The following CLVS1 variants were observed in gnomAD, a reference collection of about 807,000 sequenced individuals.
CLVS1 encodes clavesin-1.
In CLVS1, 10 loss-of-function variants were observed where a neutral mutation model predicts 33.1. The ratio of observed to expected loss-of-function variants is 0.30; its 90% confidence interval spans 0.19 to 0.51. The LOEUF (loss-of-function observed/expected upper bound fraction) is 0.51, where lower values mean the gene tolerates loss of function less well. Among genes scored for constraint, CLVS1 ranks in the 20% least tolerant of loss-of-function variants. CLVS1 has a pLI of 0.97. For synonymous variants in CLVS1, 163 were observed against 166.1 expected, an observed-to-expected ratio of 0.98 and a Z score of 0.14; for missense variants, 343 against 433.4, an observed-to-expected ratio of 0.79 and a Z score of 1.85.
Position 61,500,316 on chromosome 8 carries a change from A to C in CLVS1, c.*774A>C, listed in dbSNP as rs1301914731. The stretch of plus-strand genomic sequence containing the variant: ...CATGTGTCTGCAGAGGAGATGTCTC[A>C]TGAAAATCACATGTCAGTGATTAAT... On this transcript the variant is annotated 3_prime_UTR_variant, in exon 6 of 6. Transcript: ENST00000325897. 1 of 152,236 alleles carries C rather than the reference A, an allele frequency of 6.6e-6. No individual in the cohort carries two copies. Among genetic ancestry groups the C allele is most frequent in the Non-Finnish European group, 1.5e-5 (1 of 68,040 alleles). 9.4% of individuals were successfully genotyped at this position (152,236 alleles called of 1,614,324 possible). A position where few individuals can be genotyped will look rare whatever the true frequency, so the allele number is the denominator to read the frequency against.
At chr8:61,194,498 A>G (rs999184418) in intron 2 of CLVS1, among the ~76,000 whole-genome samples, 1 of 152,040 alleles carries the variant, frequency 6.6e-6, no homozygotes, top group Non-Finnish European at 1.5e-5. Flanking sequence ...ATAGTGCACA[A>G]TGATAAAAGG....
chr8:61,042,181 TGAG>T, the CLVS1 span, among the ~76,000 whole-genome samples: 4 of 152,206 alleles, frequency 2.6e-5, no homozygotes, highest in Admixed American at 1.3e-4. Flanking sequence ...ATCCACAAAA[TGAG>T]GAGAACTCTC....
At chr8:61,269,958 A>G (rs1264973292) in intron 2 of CLVS1, among the ~76,000 whole-genome samples, 1 of 147,670 alleles carries the variant, frequency 6.8e-6, no homozygotes, top group Non-Finnish European at 1.5e-5. Flanking sequence ...GTCGTCTGCA[A>G]ACAGGGACAA....
intron 3 of CLVS1, among the ~76,000 whole-genome samples, chr8:61,421,438 A>C (rs1055702159): frequency 2.0e-5 from 3 of 152,236 alleles, no homozygotes; most frequent in African/African-American, 7.2e-5. Flanking sequence ...TTTCTCCAGC[A>C]ATAGAGCCAT....
intron 2 of CLVS1, among the ~76,000 whole-genome samples, chr8:61,302,300 A>G (rs558141619): frequency 1.3e-5 from 2 of 152,346 alleles, no homozygotes; most frequent in Admixed American, 1.3e-4. Context: ...ATCATATATC[A>G]TATCATAATT....
At chr8:61,462,371 G>C (rs543186178) in intron 5 of CLVS1, among the ~76,000 whole-genome samples, 17 of 152,150 alleles carry the variant, frequency 1.1e-4, no homozygotes, top group Non-Finnish European at 2.1e-4. Flanking sequence ...GTTTTTGTTT[G>C]TTTGTTTGTT....
intron 3 of CLVS1, among the ~76,000 whole-genome samples, chr8:61,437,938 T>C (rs1816397468): frequency 6.6e-6 from 1 of 152,228 alleles, no homozygotes; most frequent in Non-Finnish European, 1.5e-5. Flanking sequence ...AATAAGACGT[T>C]GAACTGTAAG....
chr8:61,241,963 C>T lies in CLVS1; in HGVS notation c.-151-57714C>T, dbSNP rs117398885. On this transcript the variant is annotated intron_variant, in intron 2 of 2. Coordinates refer to the CLVS1 transcript ENST00000522621. ...TGTTTCATTTCTCCAGTGCTTTAAACGTATTTTTACAGTCTCTGTGGTCTC... is the reference window on the plus strand; with the variant it reads ...TGTTTCATTTCTCCAGTGCTTTAAATGTATTTTTACAGTCTCTGTGGTCTC... 6.0e-4 allele frequency among the ~76,000 whole-genome samples: 91 copies of T among 152,038 alleles called. 1 individual carries two copies. In the East Asian group the frequency reaches 0.014, roughly 23 times the overall value.
intron 1 of CLVS1, among the ~76,000 whole-genome samples, chr8:61,299,088 C>A (rs1177384513): frequency 6.6e-6 from 1 of 152,132 alleles, no homozygotes; most frequent in Non-Finnish European, 1.5e-5. Context: ...AGGCCTGTCC[C>A]CACCCCCACT....
At chr8:61,252,726 A>T (rs571159635) in intron 2 of CLVS1, among the ~76,000 whole-genome samples, 16 of 152,216 alleles carry the variant, frequency 1.1e-4, no homozygotes, top group Non-Finnish European at 1.8e-4. Flanking sequence ...TTTATCAGAG[A>T]TTACAATCGC....
At chr8:61,157,873 G>A (rs1250130019) in intron 2 of CLVS1, among the ~76,000 whole-genome samples, 1 of 152,052 alleles carries the variant, frequency 6.6e-6, no homozygotes, top group African/African-American at 2.4e-5. Context: ...AAATGAGAAA[G>A]AATATGAGCC....
intron 2 of CLVS1, among the ~76,000 whole-genome samples, chr8:61,340,247 A>G (rs1811984112): frequency 6.6e-6 from 1 of 152,188 alleles, no homozygotes; most frequent in South Asian, 2.1e-4. Context: ...CAAGTATACA[A>G]TACATTGTTA....
At chr8:61,338,680 C>A (rs79648847) in intron 2 of CLVS1, among the ~76,000 whole-genome samples, 1 of 152,206 alleles carries the variant, frequency 6.6e-6, no homozygotes, top group African/African-American at 2.4e-5. Flanking sequence ...GCAGCTGGCC[C>A]GGTGTCTCTC....
At chr8:60,965,457 C>T in the CLVS1 span, 1 of 152,364 alleles carries the variant, frequency 6.6e-6, no homozygotes, top group Non-Finnish European at 1.5e-5. Context: ...GGTGTCTGAT[C>T]TTCAAGCTCA....
At chr8:61,228,946 T>C (rs1218425176) in intron 2 of CLVS1, among the ~76,000 whole-genome samples, 1 of 152,230 alleles carries the variant, frequency 6.6e-6, no homozygotes, top group African/African-American at 2.4e-5. Flanking sequence ...GTGGTAGTTC[T>C]ATTTTTAAAG....
intron 2 of CLVS1, among the ~76,000 whole-genome samples, chr8:61,250,642 A>G (rs1450841688): frequency 2.6e-5 from 4 of 152,134 alleles, no homozygotes; most frequent in Admixed American, 2.6e-4. Context: ...CATCCCTTGT[A>G]AGTTGTATTC....
chr8:61,449,566 G>A (rs1356067330), intron 3 of CLVS1, among the ~76,000 whole-genome samples: 1 of 152,202 alleles, frequency 6.6e-6, no homozygotes, highest in Non-Finnish European at 1.5e-5. Flanking sequence ...TTCCTGTGAT[G>A]TTTGACTGGC....
chr8:60,986,116 C>G, the CLVS1 span, among the ~76,000 whole-genome samples: 1 of 152,090 alleles, frequency 6.6e-6, no homozygotes, highest in Non-Finnish European at 1.5e-5. Context: ...ACTTGGAAGA[C>G]GATTGTAGAT....
intron 5 of CLVS1, among the ~76,000 whole-genome samples, chr8:61,492,544 T>C (rs1196188521): frequency 1.3e-5 from 2 of 152,152 alleles, no homozygotes; most frequent in Non-Finnish European, 2.9e-5. Flanking sequence ...TTCTTCTTTG[T>C]TACAAGATGG....
Sources: allele counts gnomAD v4.1 joint callset (sites outside exome capture counted in the v4.1 genomes callset), GRCh38; gene constraint gnomAD v4.1.1; transcripts MANE v1.5; gene names NCBI Gene and HGNC (gene_info 2026-07-23, HGNC 2026-07-21).